The following MAPK9 variants were observed in gnomAD, a reference collection of about 807,000 sequenced individuals.
The protein encoded by MAPK9 is Jun kinase.
Under a neutral mutation model 57.1 loss-of-function variants are expected in MAPK9, and 30 were observed. That is an observed-to-expected ratio of 0.53 (90% CI 0.39 to 0.71). The LOEUF (loss-of-function observed/expected upper bound fraction) is 0.71. MAPK9 is among the 30% of genes least tolerant of loss of function. The pLI, the probability that MAPK9 is intolerant of heterozygous loss-of-function variation, is 0.00. For missense variants in MAPK9, 362 were observed against 521.0 expected, an observed-to-expected ratio of 0.69 and a Z score of 2.97; for synonymous variants, 155 against 177.0, an observed-to-expected ratio of 0.88 and a Z score of 0.99.
At chr5:180,286,239 A>G (rs1310218842) in intron 1 of MAPK9, among the ~76,000 whole-genome samples, 2 of 126,526 alleles carry the variant, frequency 1.6e-5, no homozygotes, top group East Asian at 3.0e-4. Context: ...TCCGCCTCCC[A>G]GGTTCACGCC....
intron 2 of MAPK9, among the ~76,000 whole-genome samples, chr5:180,271,100 C>A (rs981864628): frequency 6.6e-6 from 1 of 152,072 alleles, no homozygotes; most frequent in South Asian, 2.1e-4. Context: ...TATGTTAATT[C>A]GCTCAATTTA....
rs115730064 is a variant in MAPK9 at position 180,236,471 on chromosome 5, A to G, written c.1188T>C (p.Ile396=). The change falls in exon 12 of 12, where the codon ATT becomes ATC. Residue 396 remains isoleucine (I), a synonymous_variant. Coordinates refer to ENST00000452135, the MANE Select transcript of MAPK9 (RefSeq NM_002752.5). ...GCGTCTGCTCAGTGGACATGGATGA[A>G]ATGTCATTGATCGATGAAGACTGAG... The part of the protein sequence containing the change: ...TPSQSSSIND[I]SSMSTEQTLA... 5.6e-5 allele frequency: 91 copies of G among 1,614,096 alleles called. No homozygotes were observed. The African/African-American group carries it at 1.1e-3, about 19-fold the overall frequency.
chr5:180,233,549 T>C lies in MAPK9; in HGVS notation c.*2835A>G, dbSNP rs1361533323. On this transcript the variant is annotated 3_prime_UTR_variant, in exon 12 of 12. Transcript: ENST00000452135. ...CATCAGAGATGGTGATGGAGAAATA[T>C]CTAATTGCCATGTAAAAACACACAA... The C allele has an allele frequency of 6.6e-6, 1 of 152,352 alleles. No homozygotes were observed. The highest frequency in any genetic ancestry group is 1.9e-4 in the East Asian group (1 of 5,194). 9.4% of individuals were successfully genotyped at this position (152,352 alleles called of 1,614,324 possible).
At chr5:180,289,009 A>G (rs1763011045) in intron 1 of MAPK9, among the ~76,000 whole-genome samples, 1 of 152,246 alleles carries the variant, frequency 6.6e-6, no homozygotes, top group African/African-American at 2.4e-5. Flanking sequence ...ATTATTCTGA[A>G]GGAAAATTAT....
chr5:180,241,101 C>T lies in MAPK9; in HGVS notation c.926G>A (p.Arg309Gln). The T allele has an allele frequency of 1.9e-6, 3 of 1,613,962 alleles. No homozygotes were observed. Among genetic ancestry groups the T allele is most frequent in the Non-Finnish European group, 2.5e-6 (3 of 1,179,952 alleles). The change falls in exon 9 of 12, where the codon CGG (arginine) becomes CAG (glutamine). Residue 309 changes from arginine to glutamine, a missense_variant. Physicochemically the swap from Arg to Gln is conservative, Grantham distance 43. This residue lies in a region of MAPK9 where 199 missense variants were observed against 251.3 expected (regional missense o/e 0.79). Transcript: ENST00000452135. ...SKMLVIDPDKRISVDEALRHP... is the reference protein window; with the variant it reads ...SKMLVIDPDKQISVDEALRHP... ...ACGCAGAGCTTCGTCTACAGAGATC[C>T]GCTTGTCAGGATCAATCACTAACAT...
At chr5:180,289,396 C>G (rs552079810) in intron 1 of MAPK9, among the ~76,000 whole-genome samples, 47 of 152,080 alleles carry the variant, frequency 3.1e-4, no homozygotes, top group African/African-American at 1.1e-3. Context: ...GTTTTTAACT[C>G]TGCAGGATCC....
chr5:180,256,637 G>A (rs1410007814), intron 5 of MAPK9, among the ~76,000 whole-genome samples: 1 of 152,082 alleles, frequency 6.6e-6, no homozygotes, highest in Non-Finnish European at 1.5e-5. Flanking sequence ...TGGCAACAGG[G>A]CCATTTTCTG....
At chr5:180,272,914 C>T (rs895802891) in intron 2 of MAPK9, among the ~76,000 whole-genome samples, 3 of 152,060 alleles carry the variant, frequency 2.0e-5, no homozygotes, top group Admixed American at 6.6e-5. Flanking sequence ...TTTGCCAGAG[C>T]GTTTCTACAA....
intron 3 of MAPK9, among the ~76,000 whole-genome samples, chr5:180,267,549 G>C (rs183134610): frequency 3.0e-5 from 4 of 131,770 alleles, no homozygotes; most frequent in Admixed American, 8.2e-5. Context: ...GCGACAGAGC[G>C]AGACTCCGTC....
chr5:180,261,454 T>TGTGACTGAGAGCGCAGTAC (rs1266139979), intron 5 of MAPK9, among the ~76,000 whole-genome samples: 4 of 152,248 alleles, frequency 2.6e-5, no homozygotes, highest in Non-Finnish European at 5.9e-5. Flanking sequence ...TTGCGCAGTA[T>TGTGACTGAGAGCGCAGTAC]CTGACTGAGA....
chr5:180,253,805 G>A (rs1486171956), intron 5 of MAPK9: 1 of 152,254 alleles, frequency 6.6e-6, no homozygotes, highest in Non-Finnish European at 1.5e-5. Context: ...CCTCCACCAA[G>A]GGACTGAAGG....
rs1561862615 is a variant in MAPK9 at position 180,291,993 on chromosome 5, CGCCGCA to C, written c.-199_-194del. The stretch of plus-strand genomic sequence containing the variant: ...GCCCCGCCGCCGCCGCCGCCGCCGC[CGCCGCA>C]GTGGGTGTGAGGGGCGCCGGGGCGC... On this transcript the variant is annotated 5_prime_UTR_variant, in exon 1 of 12. Coordinates refer to ENST00000452135, the MANE Select transcript of MAPK9 (RefSeq NM_002752.5). 1 of 156,422 alleles carries C rather than the reference CGCCGCA, an allele frequency of 6.4e-6. No individual in the cohort carries two copies. Among genetic ancestry groups the C allele is most frequent in the Non-Finnish European group, 1.3e-5 (1 of 74,238 alleles). 9.7% of individuals were successfully genotyped at this position (156,422 alleles called of 1,614,324 possible).
chr5:180,243,537 C>T (rs1432865723), intron 7 of MAPK9, among the ~76,000 whole-genome samples: 1 of 152,188 alleles, frequency 6.6e-6, no homozygotes, highest in Non-Finnish European at 1.5e-5. Flanking sequence ...ACTCGCTATA[C>T]AAGAGAATGC....
chr5:180,240,138 GATATT>G (rs1757528312), intron 9 of MAPK9, 151 bp from the exon 10 acceptor site: 4 of 623,326 alleles, frequency 6.4e-6, no homozygotes, highest in Non-Finnish European at 1.1e-5. Flanking sequence ...TTTGTCATGT[GATATT>G]ATATCAACTT....
intron 4 of MAPK9, among the ~76,000 whole-genome samples, chr5:180,262,374 A>G (rs934191150): frequency 8.8e-5 from 10 of 113,588 alleles, no homozygotes; most frequent in African/African-American, 2.5e-4. Context: ...TTTGCAAGCA[A>G]AACTCCCCAA....
intron 4 of MAPK9, among the ~76,000 whole-genome samples, chr5:180,262,530 C>G (rs1760087749): frequency 6.6e-6 from 1 of 151,750 alleles, no homozygotes; most frequent in Non-Finnish European, 1.5e-5. Flanking sequence ...CGGGTTCAAG[C>G]CATTCTCATG....
At position 180,247,310 on chromosome 5, in the gene MAPK9, G is replaced by C; in HGVS notation, c.688+129C>G. On this transcript the variant is annotated intron_variant, in intron 7 of 11. Coordinates refer to ENST00000452135, the MANE Select transcript of MAPK9 (RefSeq NM_002752.5). This position sits in a 1 kb window ranked among gnomAD's most constrained non-coding sequence, Gnocchi z 4.5. ...GACACTAATTAACAAATACAGTAAA[G>C]CCCCCCTTAGAACACAGTCTGGAGT... The C allele has an allele frequency of 1.1e-6, 1 of 947,932 alleles. No individual in the cohort carries two copies. Among genetic ancestry groups the C allele is most frequent in the Non-Finnish European group, 1.6e-6 (1 of 611,168 alleles). The allele number at this position is 947,932 out of a possible 1,614,324, so 58.7% of individuals were successfully genotyped here.
At chr5:180,246,870 T>A (rs1758159086) in intron 7 of MAPK9, 1 of 152,406 alleles carries the variant, frequency 6.6e-6, no homozygotes, top group Non-Finnish European at 1.5e-5. Flanking sequence ...CTACAAAATG[T>A]CAGCACAGTA....
intron 9 of MAPK9, 105 bp downstream of exon 9, chr5:180,240,926 T>C: frequency 5.3e-6 from 7 of 1,328,732 alleles, no homozygotes; most frequent in African/African-American, 4.5e-5. Context: ...AGCCCCCAAA[T>C]GGAGAACTTG....
Sources: gnomAD v4.1 joint callset for allele counts (sites outside exome capture counted in the v4.1 genomes callset) on GRCh38, gnomAD v4.1.1 for gene constraint, gnomAD v4.1.1 regional missense constraint, Gnocchi (gnomAD v3.1) non-coding constraint, MANE v1.5 for transcripts, NCBI Gene and HGNC (gene_info 2026-07-23, HGNC 2026-07-21) for gene names.